THNSL1: variants seen among roughly 807,000 people sequenced by gnomAD.
The protein encoded by THNSL1 is threonine synthase-like 1.
In THNSL1, 48 loss-of-function variants were observed where a neutral mutation model predicts 50.4. That is an observed-to-expected ratio of 0.95 (90% CI 0.76 to 1.21). The LOEUF (loss-of-function observed/expected upper bound fraction) is 1.21. THNSL1 is among the 50% of genes most tolerant of loss of function. The pLI is 0.00. For missense variants in THNSL1, 896 were observed against 871.7 expected (o/e 1.03, Z -0.35); for synonymous variants, 309 against 306.1 (o/e 1.01, Z -0.10).
At chr10:25,009,152 C>T in the THNSL1 span, among the ~76,000 whole-genome samples, 1 of 151,972 alleles carries the variant, frequency 6.6e-6, no homozygotes, top group Non-Finnish European at 1.5e-5. Flanking sequence ...ATATACCTAA[C>T]GTAAATGATG....
chr10:24,977,047 A>T, the THNSL1 span, among the ~76,000 whole-genome samples: 1 of 152,168 alleles, frequency 6.6e-6, no homozygotes, highest in Non-Finnish European at 1.5e-5. Context: ...AAATCAATGA[A>T]AGCATTGCTT....
At chr10:24,980,649 T>G in the THNSL1 span, among the ~76,000 whole-genome samples, 366 of 152,266 alleles carry the variant, frequency 2.4e-3, 4 homozygotes, top group African/African-American at 7.6e-3. Flanking sequence ...GCTGACAGGC[T>G]TTTGATAAAA....
intron 1 of THNSL1, among the ~76,000 whole-genome samples, chr10:25,018,659 G>GTTTTTTTT (rs374289213): frequency 5.3e-5 from 5 of 93,736 alleles, no homozygotes; most frequent in African/African-American, 1.4e-4. Flanking sequence ...AATGAGAGTT[G>GTTTTTTTT]TTTTTTTTTT....
the THNSL1 span, chr10:24,990,729 C>G: frequency 9.8e-7 from 1 of 1,020,192 alleles, no homozygotes; most frequent in South Asian, 2.1e-5. Context: ...TGTTCAAAAC[C>G]CTGTAAATTG....
the THNSL1 span, chr10:24,983,029 A>G: frequency 6.6e-6 from 1 of 152,210 alleles, no homozygotes; most frequent in Non-Finnish European, 1.5e-5. Context: ...TCATTTCACA[A>G]ATAAAATACT....
chr10:24,995,536 G>T, the THNSL1 span: 1 of 980,192 alleles, frequency 1.0e-6, no homozygotes, highest in African/African-American at 1.6e-5. Context: ...CAGCAAAGTA[G>T]ACAATGTGTC....
At chr10:24,968,659 A>G in the THNSL1 span, among the ~76,000 whole-genome samples, 1 of 152,106 alleles carries the variant, frequency 6.6e-6, no homozygotes, top group Non-Finnish European at 1.5e-5. Context: ...GCGTATTTGG[A>G]TAAGTGAATT....
At chr10:25,013,957 T>TA (rs34467911), upstream of THNSL1, among the ~76,000 whole-genome samples, 3 of 148,934 alleles carry the variant, frequency 2.0e-5, no homozygotes, top group Non-Finnish European at 3.0e-5. Context: ...AAAAAGTAAT[T>TA]AAAAAAAAAA....
In THNSL1 at chr10:25,025,534, C is replaced by A. The variant is rs964035371; in HGVS notation, c.*79C>A. 3.7e-6 allele frequency: 5 copies of A among 1,363,388 alleles called. No individual in the cohort carries two copies. The African/African-American group carries it at 7.4e-5, about 20-fold the overall frequency. 84.5% of individuals were successfully genotyped at this position (1,363,388 alleles called of 1,614,324 possible). ...CAAACACTGATTTGGAGTACAGTAG[C>A]ATTTTGTCTTTTATGTAAATATCTC... On this transcript the variant is annotated 3_prime_UTR_variant, in exon 3 of 3. Coordinates refer to ENST00000376356, the MANE Select transcript of THNSL1 (RefSeq NM_024838.5).
At chr10:24,990,519 G>C in the THNSL1 span, 3 of 1,613,912 alleles carry the variant, frequency 1.9e-6, no homozygotes, top group Non-Finnish European at 1.7e-6. Flanking sequence ...GCTTTCTTAA[G>C]GTTTTCCTGG....
At chr10:24,969,599 T>G in the THNSL1 span, among the ~76,000 whole-genome samples, 7,082 of 152,162 alleles carry the variant, frequency 0.047, 430 homozygotes, top group African/African-American at 0.14. Context: ...AGTTGGAGGG[T>G]GCCCTTTGTT....
At chr10:24,974,410 A>G in the THNSL1 span, among the ~76,000 whole-genome samples, 1 of 152,204 alleles carries the variant, frequency 6.6e-6, no homozygotes, top group Non-Finnish European at 1.5e-5. Context: ...CTGAAAATTC[A>G]CTCACTATAC....
the THNSL1 span, among the ~76,000 whole-genome samples, chr10:24,997,538 C>T: frequency 6.3e-4 from 96 of 151,948 alleles, no homozygotes; most frequent in Middle Eastern, 6.8e-3. Flanking sequence ...AGATGTGCAT[C>T]AGCACACCTA....
At chr10:25,021,215 T>C (rs991456826) in intron 1 of THNSL1, among the ~76,000 whole-genome samples, 1 of 152,232 alleles carries the variant, frequency 6.6e-6, no homozygotes, top group Non-Finnish European at 1.5e-5. Flanking sequence ...GTAAATATTT[T>C]GTGCTAACCA....
At chr10:24,991,945 T>G in the THNSL1 span, among the ~76,000 whole-genome samples, 105 of 152,294 alleles carry the variant, frequency 6.9e-4, no homozygotes, top group South Asian at 1.9e-3. Context: ...CCCTTCGGCA[T>G]GCTCCCCCTA....
chr10:24,987,963 G>A, the THNSL1 span, among the ~76,000 whole-genome samples: 4 of 152,130 alleles, frequency 2.6e-5, no homozygotes, highest in African/African-American at 9.6e-5. Flanking sequence ...GCTCACGCCT[G>A]TAATCCTAGC....
Position 25,024,025 on chromosome 10 carries a change from C to T in THNSL1, c.802C>T (p.Pro268Ser). 1 of 1,614,142 alleles carries T rather than the reference C, an allele frequency of 6.2e-7. No homozygotes were observed. Residue 268 changes from proline (P) to serine (S), a missense_variant, in exon 3 of 3, where the codon CCT becomes TCT. Physicochemically the swap from Pro to Ser is moderately conservative, Grantham distance 74. Transcript: ENST00000376356. ...GGCTTCTGATGGTGGCCTCTTTGTTCCTGCAAAGGAGTTTCCAAAATTAAG... is the reference window on the plus strand; with the variant it reads ...GGCTTCTGATGGTGGCCTCTTTGTTTCTGCAAAGGAGTTTCCAAAATTAAG... The part of the protein sequence containing the change: ...GLASDGGLFV[P>S]AKEFPKLSCG...
At chr10:25,007,642 G>A in the THNSL1 span, among the ~76,000 whole-genome samples, 1 of 152,098 alleles carries the variant, frequency 6.6e-6, no homozygotes, top group African/African-American at 2.4e-5. Flanking sequence ...CACCATGTTA[G>A]CCAGGATGTT....
chr10:24,987,938 C>T, the THNSL1 span, among the ~76,000 whole-genome samples: 9 of 151,948 alleles, frequency 5.9e-5, no homozygotes, highest in Middle Eastern at 3.2e-3. Context: ...TTTGTATTAA[C>T]GGCTGGGCAG....
Sources: allele counts gnomAD v4.1 joint callset (sites outside exome capture counted in the v4.1 genomes callset), GRCh38; gene constraint gnomAD v4.1.1; transcripts MANE v1.5; gene names NCBI Gene and HGNC (gene_info 2026-07-23, HGNC 2026-07-21).